The following ANKRD30BL variants were observed in gnomAD, a reference collection of about 807,000 sequenced individuals.
The protein encoded by ANKRD30BL is putative ankyrin repeat domain-containing protein 30B-like.
In ANKRD30BL, 20 loss-of-function variants were observed where a neutral mutation model predicts 18.4. The ratio of observed to expected loss-of-function variants is 1.09; its 90% CI spans 0.77 to 1.58. The LOEUF is 1.58. Ranked by LOEUF, ANKRD30BL falls within the 40% of genes most tolerant of loss-of-function variation. The pLI, the probability that ANKRD30BL is intolerant of heterozygous loss-of-function variation, is 0.00. For missense variants in ANKRD30BL, 224 were observed against 268.6 expected, an observed-to-expected ratio of 0.83 and a Z score of 1.16; for synonymous variants, 72 against 100.9, an observed-to-expected ratio of 0.71 and a Z score of 1.72.
intron 1 of ANKRD30BL, among the ~76,000 whole-genome samples, chr2:132,234,018 C>T (rs1337757393): frequency 6.6e-6 from 1 of 152,086 alleles, no homozygotes; most frequent in African/African-American, 2.4e-5. Context: ...AACTAGAACT[C>T]AGGATTAAGA....
At position 132,157,370 on chromosome 2, in the gene ANKRD30BL, A is replaced by G. The variant is rs1173407321; in HGVS notation, c.272T>C (p.Leu91Pro). 1 of 752,652 alleles carries G rather than the reference A, an allele frequency of 1.3e-6. No homozygotes were observed. The highest frequency in any genetic ancestry group is 2.5e-6 in the Non-Finnish European group (1 of 407,642). The allele number at this position is 752,652 out of a possible 1,614,324, so 46.6% of individuals were successfully genotyped here. A position where few individuals can be genotyped will look rare whatever the true frequency, so the allele number is the denominator to read the frequency against. The change falls in exon 2 of 6, where the codon CTG (leucine) becomes CCG (proline). Residue 91 changes from leucine to proline, a missense_variant. By Grantham distance (98) the Leu-to-Pro change is moderately conservative. This residue lies in a region of ANKRD30BL where 131 missense variants were observed against 128.8 expected (regional missense o/e 1.02). Coordinates refer to ENST00000409867, the MANE Select transcript of ANKRD30BL (RefSeq NM_001358416.1). ...GTCAAGCTGACACTTTCTATCTACC[A>G]GAAGTGTTACTACTTCTGCATGGCC... is the stretch of plus-strand genomic sequence containing the variant. The part of the protein sequence containing the change: ...ANGHAEVVTL[L>P]VDRKCQLDVL...
At chr2:132,252,769 A>G (rs902181782) in intron 1 of ANKRD30BL, among the ~76,000 whole-genome samples, 1 of 151,070 alleles carries the variant, frequency 6.6e-6, no homozygotes, top group African/African-American at 2.4e-5. Flanking sequence ...CGACGACGGC[A>G]TGGGACCTTC....
At chr2:132,238,598 T>G (rs370588417) in intron 1 of ANKRD30BL, among the ~76,000 whole-genome samples, 28,491 of 151,754 alleles carry the variant, frequency 0.19, 3,303 homozygotes, top group Non-Finnish European at 0.27. Context: ...TTGAAGCCTA[T>G]GGTGAAAAAG....
intron 1 of ANKRD30BL, among the ~76,000 whole-genome samples, chr2:132,207,053 A>C (rs547789673): frequency 1.3e-5 from 2 of 152,144 alleles, no homozygotes; most frequent in Non-Finnish European, 2.9e-5. Context: ...CTCATCTAGC[A>C]TATCATAATT....
chr2:132,153,154 C>G (rs1687804574), intron 4 of ANKRD30BL, among the ~76,000 whole-genome samples: 1 of 152,016 alleles, frequency 6.6e-6, no homozygotes, highest in South Asian at 2.1e-4. Flanking sequence ...CATTTCTGCC[C>G]CCACCGCCAA....
At chr2:132,219,450 A>C (rs1679607186) in intron 1 of ANKRD30BL, among the ~76,000 whole-genome samples, 1 of 151,766 alleles carries the variant, frequency 6.6e-6, no homozygotes, top group African/African-American at 2.4e-5. Flanking sequence ...GGACATTTGG[A>C]GGGCTTTAAG....
chr2:132,181,463 A>AG (rs1688461189), intron 1 of ANKRD30BL, among the ~76,000 whole-genome samples: 1 of 151,170 alleles, frequency 6.6e-6, no homozygotes, highest in African/African-American at 2.4e-5. Flanking sequence ...CTCTGTTTCA[A>AG]AAAAAAAAGA....
intron 1 of ANKRD30BL, among the ~76,000 whole-genome samples, chr2:132,178,710 TTAAGAAA>T (rs2104945898): frequency 6.6e-6 from 1 of 152,172 alleles, no homozygotes; most frequent in African/African-American, 2.4e-5. Flanking sequence ...AGAAAATATT[TTAAGAAA>T]TAAGAAATAA....
chr2:132,255,086 G>A (rs1382711546), intron 1 of ANKRD30BL, among the ~76,000 whole-genome samples: 1 of 152,206 alleles, frequency 6.6e-6, no homozygotes, highest in Non-Finnish European at 1.5e-5. Flanking sequence ...CTGCCCAGCG[G>A]GTCATGGGAA....
chr2:132,246,896 G>A (rs377364311), intron 1 of ANKRD30BL, among the ~76,000 whole-genome samples: 2 of 151,832 alleles, frequency 1.3e-5, no homozygotes, highest in Admixed American at 1.3e-4. Flanking sequence ...TTTTGATAGA[G>A]GAGTTTTGAA....
intron 1 of ANKRD30BL, among the ~76,000 whole-genome samples, chr2:132,252,383 G>A (rs1237490320): frequency 1.3e-5 from 2 of 152,218 alleles, no homozygotes; most frequent in African/African-American, 2.4e-5. Flanking sequence ...ACAGCCCAGA[G>A]CTGGCGGTGG....
chr2:132,254,538 TG>T (rs908711133), intron 1 of ANKRD30BL, among the ~76,000 whole-genome samples: 8 of 152,100 alleles, frequency 5.3e-5, no homozygotes, highest in African/African-American at 1.7e-4. Context: ...AGGGACTTCA[TG>T]CAAGCTTATG....
chr2:132,256,100 G>A (rs1680826682), intron 1 of ANKRD30BL, among the ~76,000 whole-genome samples: 1 of 152,244 alleles, frequency 6.6e-6, no homozygotes, highest in African/African-American at 2.4e-5. Flanking sequence ...GATTTAATGA[G>A]CCATTCGCAG....
At chr2:132,185,358 C>T (rs571513938) in intron 1 of ANKRD30BL, among the ~76,000 whole-genome samples, 1 of 152,280 alleles carries the variant, frequency 6.6e-6, no homozygotes, top group Non-Finnish European at 1.5e-5. Flanking sequence ...GGCCTGGCTA[C>T]CTTATCTGTC....
chr2:132,216,769 A>G (rs527714580), intron 1 of ANKRD30BL, among the ~76,000 whole-genome samples: 23 of 152,260 alleles, frequency 1.5e-4, no homozygotes, highest in Admixed American at 1.4e-3. Context: ...AAAACTAGAG[A>G]GAAGCATTCT....
intron 1 of ANKRD30BL, among the ~76,000 whole-genome samples, chr2:132,199,688 AC>A (rs1237419949): frequency 6.6e-6 from 1 of 151,614 alleles, no homozygotes; most frequent in African/African-American, 2.4e-5. Flanking sequence ...TTCTTTATAT[AC>A]TTTTATTTAA....
chr2:132,199,263 G>C (rs1337988140), intron 1 of ANKRD30BL, among the ~76,000 whole-genome samples: 1 of 152,068 alleles, frequency 6.6e-6, no homozygotes, highest in Non-Finnish European at 1.5e-5. Context: ...AGGAGGCTGA[G>C]ACAAGAGAAT....
intron 1 of ANKRD30BL, among the ~76,000 whole-genome samples, chr2:132,220,314 C>G (rs1439753146): frequency 5.1e-5 from 6 of 118,756 alleles, no homozygotes; most frequent in East Asian, 2.6e-4. Context: ...CCCTCTCCCT[C>G]TCCCTCTCCC....
At chr2:132,222,086 G>A (rs1491003199) in intron 1 of ANKRD30BL, among the ~76,000 whole-genome samples, 6 of 145,904 alleles carry the variant, frequency 4.1e-5, no homozygotes, top group Non-Finnish European at 9.0e-5. Flanking sequence ...GAGGGAGGTC[G>A]GGGGGTCAGC....
Sources: gnomAD v4.1 joint callset for allele counts (sites outside exome capture counted in the v4.1 genomes callset) on GRCh38, gnomAD v4.1.1 for gene constraint, gnomAD v4.1.1 regional missense constraint, MANE v1.5 for transcripts, NCBI Gene and HGNC (gene_info 2026-07-23, HGNC 2026-07-21) for gene names.